The following AP3D1 variants were observed in gnomAD, a reference collection of about 807,000 sequenced individuals.
AP3D1 encodes the protein adaptor related protein complex 3 subunit delta 1, also known as AP-3 complex subunit delta-1.
AP3D1 carries 51 observed loss-of-function variants against 147.6 expected under a neutral mutation model. The observed-to-expected ratio is 0.35, with a 90% confidence interval of 0.28 to 0.44. The LOEUF is 0.44. AP3D1 is among the 20% of genes least tolerant of loss of function. The probability of loss-of-function intolerance (pLI) is 1.00; values close to 1 mark genes in which losing one functional copy is unlikely to be tolerated. For synonymous variants in AP3D1, 760 were observed against 663.0 expected (o/e 1.15, Z -2.25); for missense variants, 1,421 against 1,624.2 (o/e 0.87, Z 2.15).
At chr19:2,106,652 G>A (rs988674944) in intron 31 of AP3D1, among the ~76,000 whole-genome samples, 5 of 152,206 alleles carry the variant, frequency 3.3e-5, no homozygotes, top group African/African-American at 1.2e-4. Flanking sequence ...CAGCCAGAAG[G>A]TGGGAGCAGC....
intron 31 of AP3D1, among the ~76,000 whole-genome samples, chr19:2,107,931 C>G (rs2018158364): frequency 6.6e-6 from 1 of 152,134 alleles, no homozygotes; most frequent in African/African-American, 2.4e-5. Context: ...TTGAAAAGTA[C>G]AAAACTACCA....
intron 1 of AP3D1, among the ~76,000 whole-genome samples, chr19:2,146,033 G>A (rs1030502415): frequency 2.6e-5 from 4 of 152,120 alleles, no homozygotes; most frequent in Non-Finnish European, 5.9e-5. Flanking sequence ...GGGAGCGGGC[G>A]CTTTCCTGAG....
intron 5 of AP3D1, among the ~76,000 whole-genome samples, chr19:2,131,619 A>C (rs74176379): frequency 4.1e-5 from 5 of 123,314 alleles, no homozygotes; most frequent in East Asian, 5.2e-4. Flanking sequence ...ACGCGGGGAC[A>C]GCGCCCATCG....
rs182878865 is a variant in AP3D1, at chr19:2,163,462, G to A, written c.-103+894C>T. On this transcript the variant is annotated intron_variant, in intron 1 of 14. Transcript: ENST00000643010. Reference sequence around the variant, plus strand: ...CCGCCTTGGCCTCCCAAAGTGCTGGGATTACAGGGGTGAATCACCGCGCCT... The same window carrying A: ...CCGCCTTGGCCTCCCAAAGTGCTGGAATTACAGGGGTGAATCACCGCGCCT... Among the ~76,000 whole-genome samples, 23 of 151,546 alleles carry A rather than the reference G, an allele frequency of 1.5e-4. 1 individual carries two copies. Among genetic ancestry groups the A allele is most frequent in the Admixed American group, 3.3e-4 (5 of 15,220 alleles).
intron 27 of AP3D1, among the ~76,000 whole-genome samples, 157 bp from the exon 28 acceptor site, chr19:2,110,381 G>A (rs1206523944): frequency 6.6e-6 from 1 of 152,122 alleles, no homozygotes; most frequent in African/African-American, 2.4e-5. Flanking sequence ...AGAAACAAGA[G>A]GCTACTGGTG....
chr19:2,121,978 G>A, intron 11 of AP3D1, 99 bp from the exon 12 acceptor site: 1 of 1,415,212 alleles, frequency 7.1e-7, no homozygotes, highest in South Asian at 1.5e-5. Context: ...ACCTCGGGAG[G>A]CTGCCTGGCC....
In AP3D1 at chr19:2,101,527, C is replaced by G. The variant is rs977233513; in HGVS notation, c.*646G>C. On this transcript the variant is annotated 3_prime_UTR_variant, in exon 32 of 32. Transcript: ENST00000643116. The stretch of plus-strand genomic sequence containing the variant: ...GGGTGGCAGAGAGGCCTCAACCCAC[C>G]CCGTCCACGGTTCTGACTGCAACCT... 1 of 152,372 alleles carries G rather than the reference C, an allele frequency of 6.6e-6. No homozygotes were observed. Among genetic ancestry groups the G allele is most frequent in the African/African-American group, 2.4e-5 (1 of 41,474 alleles). 9.4% of individuals were successfully genotyped at this position (152,372 alleles called of 1,614,324 possible).
intron 31 of AP3D1, among the ~76,000 whole-genome samples, chr19:2,104,547 C>T (rs1354436869): frequency 6.6e-6 from 1 of 151,570 alleles, no homozygotes; most frequent in East Asian, 1.9e-4. Context: ...GACCCCAACG[C>T]CAAGACACCA....
intron 1 of AP3D1, among the ~76,000 whole-genome samples, chr19:2,158,837 G>A (rs1045948168): frequency 1.3e-5 from 2 of 152,100 alleles, no homozygotes; most frequent in African/African-American, 2.4e-5. Flanking sequence ...GTTTGTTTGG[G>A]GAAAGCTGTT....
chr19:2,139,358 A>G (rs35751290), intron 1 of AP3D1, among the ~76,000 whole-genome samples: 75,173 of 151,922 alleles, frequency 0.49, 18,706 homozygotes, highest in Non-Finnish European at 0.51. Context: ...GGTGACTCTC[A>G]CTGCTGTGAA....
rs1366023419 is a variant in AP3D1, at chr19:2,129,346, T to C, written c.704A>G (p.Asn235Ser). Reference protein sequence around the residue: ...FFKLMTSSTNNWVLIKIIKLF... With the variant: ...FFKLMTSSTNSWVLIKIIKLF... Reference sequence around the variant, plus strand: ...CTTGATGATCTTGATGAGGACCCAGTTGTTGGTGGAGGACGTCATCAGCTT... The same window carrying C: ...CTTGATGATCTTGATGAGGACCCAGCTGTTGGTGGAGGACGTCATCAGCTT... The change falls in exon 7 of 32, where the codon AAC (asparagine) becomes AGC (serine). Residue 235 changes from asparagine to serine, a missense_variant. Physicochemically the swap from Asn to Ser is conservative, Grantham distance 46. This residue lies in a region of AP3D1 where 292 missense variants were observed against 412.0 expected (regional missense o/e 0.71). Transcript: ENST00000643116. The C allele has an allele frequency of 6.2e-7, 1 of 1,613,766 alleles. No homozygotes were observed. Among genetic ancestry groups the C allele is most frequent in the Non-Finnish European group, 8.5e-7 (1 of 1,179,984 alleles).
At chr19:2,115,479 G>A in intron 19 of AP3D1, 59 bp downstream of exon 19, 1 of 1,608,566 alleles carries the variant, frequency 6.2e-7, no homozygotes, top group Non-Finnish European at 8.5e-7. Flanking sequence ...GGGGAGGGCG[G>A]CGGGAGCACC....
chr19:2,148,629 G>C (rs1275820190), intron 1 of AP3D1, among the ~76,000 whole-genome samples: 1 of 152,236 alleles, frequency 6.6e-6, no homozygotes, highest in African/African-American at 2.4e-5. Context: ...CCAGCAAGGA[G>C]GGAGGTGACT....
rs376698092 is a variant in AP3D1, at chr19:2,121,126, C to T, written c.1251-34G>A. On this transcript the variant is annotated intron_variant, in intron 13 of 31. Transcript: ENST00000643116. ...CAGAGGCGGTGAGTGAGCGGCGCCA[C>T]GGAACCCCCGGCCACACCCCTGGGA... 315 of 1,613,608 alleles carry T rather than the reference C, an allele frequency of 2.0e-4. 1 individual carries two copies. The highest frequency in any genetic ancestry group is 5.9e-4 in the African/African-American group (44 of 75,042).
intron 27 of AP3D1, 137 bp from the exon 28 acceptor site, chr19:2,110,361 G>T: frequency 1.3e-6 from 1 of 753,816 alleles, no homozygotes; most frequent in Non-Finnish European, 2.2e-6. Flanking sequence ...GAGCACCAGG[G>T]GACAGGAGCA....
intron 30 of AP3D1, 121 bp downstream of exon 30, chr19:2,108,965 C>T: frequency 6.7e-7 from 1 of 1,499,052 alleles, no homozygotes; most frequent in Non-Finnish European, 9.0e-7. Flanking sequence ...CCACCAGCCA[C>T]CCGGGATCCC....
chr19:2,154,899 G>T (rs1380815314), upstream of AP3D1, among the ~76,000 whole-genome samples: 1 of 152,212 alleles, frequency 6.6e-6, no homozygotes, highest in Non-Finnish European at 1.5e-5. Flanking sequence ...CCAAAAGGAG[G>T]CCAGGCGGGG....
intron 1 of AP3D1, among the ~76,000 whole-genome samples, chr19:2,141,974 T>G (rs2019232908): frequency 6.7e-6 from 1 of 149,818 alleles, no homozygotes; most frequent in Non-Finnish European, 1.5e-5. Context: ...ATGTATATAC[T>G]TGTTTACATA....
Position 2,138,454 on chromosome 19 carries a change from A to G in AP3D1, c.192+165T>C, listed in dbSNP as rs2019133444. 2.0e-5 allele frequency among the ~76,000 whole-genome samples: 3 copies of G among 152,174 alleles called. No individual in the cohort carries two copies. The South Asian group carries it at 6.2e-4, about 32-fold the overall frequency. ...GGCCTGTTTGCCAGCCATGTGACCA[A>G]CATGGCTTTCTGCTCCAGGACTCTG... is the stretch of plus-strand genomic sequence containing the variant. On this transcript the variant is annotated intron_variant, in intron 2 of 31. Coordinates refer to ENST00000643116, the MANE Select transcript of AP3D1 (RefSeq NM_001261826.3).
Sources: allele counts gnomAD v4.1 joint callset (sites outside exome capture counted in the v4.1 genomes callset), GRCh38; gene constraint gnomAD v4.1.1; regional missense constraint gnomAD v4.1.1; transcripts MANE v1.5; gene names NCBI Gene and HGNC (gene_info 2026-07-23, HGNC 2026-07-21).